VPS13B: variants seen among roughly 807,000 people sequenced by gnomAD.
VPS13B encodes the protein intermembrane lipid transfer protein VPS13B.
VPS13B carries 285 observed loss-of-function variants against 426.4 expected under a neutral mutation model. That is an observed-to-expected ratio of 0.67 (90% CI 0.61 to 0.74). VPS13B has a LOEUF of 0.74. Among genes scored for constraint, VPS13B ranks in the 30% least tolerant of loss-of-function variants. VPS13B has a pLI of 0.00. For missense variants in VPS13B, 4,537 were observed against 4,782.6 expected (o/e 0.95, Z 1.51); for synonymous variants, 1,676 against 1,676.4 (o/e 1.00, Z 0.01).
At chr8:99,736,850 C>T (rs1167835759) in intron 39 of VPS13B, among the ~76,000 whole-genome samples, 1 of 152,034 alleles carries the variant, frequency 6.6e-6, no homozygotes, top group Non-Finnish European at 1.5e-5. Flanking sequence ...CCTCATGCTA[C>T]AAAAATGTAT....
rs1406602437 is a variant in VPS13B, at chr8:99,870,885, C to T, written c.11493C>T (p.Val3831=). 1 of 1,613,748 alleles carries T rather than the reference C, an allele frequency of 6.2e-7. No individual in the cohort carries two copies. Among genetic ancestry groups the T allele is most frequent in the Non-Finnish European group, 8.5e-7 (1 of 1,179,772 alleles). Residue 3831 remains valine (V), a splice_region_variant and synonymous_variant, in exon 60 of 62, where the codon GTC becomes GTT. Transcript: ENST00000357162. ...CTCCAAACAGCCATGTCAAATATGT[C>T]TGGTAAAATTATTGAGATACGTGCT... is the stretch of plus-strand genomic sequence containing the variant. ...DQAPNSHVKY[V]WKMLQSLGRP...
intron 3 of VPS13B, among the ~76,000 whole-genome samples, chr8:99,040,745 C>A (rs1587950105): frequency 6.6e-6 from 1 of 151,720 alleles, no homozygotes; most frequent in African/African-American, 2.4e-5. Flanking sequence ...AGTGAAGGGG[C>A]CTTTTAGAGT....
intron 19 of VPS13B, among the ~76,000 whole-genome samples, chr8:99,382,940 ATATTTCC>A (rs2133291781): frequency 6.6e-6 from 1 of 152,262 alleles, no homozygotes; most frequent in South Asian, 2.1e-4. Flanking sequence ...GTATGATGGC[ATATTTCC>A]TATATGCTAC....
At chr8:99,565,711 G>GGAAT (rs762381015) in intron 31 of VPS13B, among the ~76,000 whole-genome samples, 1 of 151,960 alleles carries the variant, frequency 6.6e-6, no homozygotes, top group Non-Finnish European at 1.5e-5. Flanking sequence ...AATTGCATCT[G>GGAAT]GAATTGTAGA....
At chr8:99,573,590 G>A (rs540348034) in intron 31 of VPS13B, among the ~76,000 whole-genome samples, 1 of 152,166 alleles carries the variant, frequency 6.6e-6, no homozygotes, top group African/African-American at 2.4e-5. Context: ...TGTCAGGTTT[G>A]TCAAAGATCA....
At chr8:99,067,396 GA>G (rs1335317442) in intron 3 of VPS13B, among the ~76,000 whole-genome samples, 1 of 152,124 alleles carries the variant, frequency 6.6e-6, no homozygotes, top group African/African-American at 2.4e-5. Context: ...CACAAGGATA[GA>G]AAACCAAACA....
intron 20 of VPS13B, among the ~76,000 whole-genome samples, chr8:99,390,083 A>G (rs1814341713): frequency 6.6e-6 from 1 of 151,726 alleles, no homozygotes; most frequent in East Asian, 1.9e-4. Context: ...AATTTATTTA[A>G]TCTTTTCTCA....
intron 33 of VPS13B, among the ~76,000 whole-genome samples, chr8:99,608,215 C>T (rs1827685451): frequency 6.8e-6 from 1 of 146,980 alleles, no homozygotes; most frequent in Non-Finnish European, 1.5e-5. Flanking sequence ...GTGGTATGAT[C>T]GTGGCTCACT....
chr8:99,483,796 G>C (rs947317573), intron 25 of VPS13B, among the ~76,000 whole-genome samples: 1 of 152,086 alleles, frequency 6.6e-6, no homozygotes, highest in African/African-American at 2.4e-5. Context: ...GACATTTCAA[G>C]TCCAGGAAAG....
chr8:99,500,314 G>A (rs117876605), intron 25 of VPS13B, among the ~76,000 whole-genome samples: 5,020 of 152,180 alleles, frequency 0.033, 124 homozygotes, highest in Non-Finnish European at 0.048. Flanking sequence ...AAAACAAAAC[G>A]TGTCTGAAGT....
At chr8:99,371,899 C>A (rs1390725968) in intron 19 of VPS13B, among the ~76,000 whole-genome samples, 1 of 151,928 alleles carries the variant, frequency 6.6e-6, no homozygotes, top group African/African-American at 2.4e-5. Flanking sequence ...ATGTAAAACC[C>A]AAAATCATAA....
intron 20 of VPS13B, among the ~76,000 whole-genome samples, chr8:99,386,311 A>ACAAT (rs1373265525): frequency 6.6e-6 from 1 of 152,228 alleles, no homozygotes; most frequent in Non-Finnish European, 1.5e-5. Context: ...AAATGAACAT[A>ACAAT]CAATCACGTG....
At chr8:99,308,702 G>A (rs1820781587) in intron 19 of VPS13B, among the ~76,000 whole-genome samples, 1 of 152,134 alleles carries the variant, frequency 6.6e-6, no homozygotes, top group African/African-American at 2.4e-5. Context: ...CCCAGTAATG[G>A]GATGGCTGGG....
At chr8:99,719,170 A>C (rs1215924043) in intron 37 of VPS13B, among the ~76,000 whole-genome samples, 1 of 152,222 alleles carries the variant, frequency 6.6e-6, no homozygotes, top group Non-Finnish European at 1.5e-5. Context: ...CAGCCAAGTA[A>C]CTTCACATTG....
intron 17 of VPS13B, among the ~76,000 whole-genome samples, chr8:99,195,874 T>C (rs1178023767): frequency 6.6e-6 from 1 of 152,196 alleles, no homozygotes; most frequent in Non-Finnish European, 1.5e-5. Context: ...TGTCCATAAA[T>C]GTGTGGGTTT....
chr8:99,260,320 A>G lies in VPS13B; in HGVS notation c.2516-13878A>G, dbSNP rs559541977. ...TTGACTTTTTTTCCCCTGACAAAAT[A>G]GATGTGAGATGTGAATCTTCAGACC... is the stretch of plus-strand genomic sequence containing the variant. On this transcript the variant is annotated intron_variant, in intron 17 of 61. Transcript: ENST00000357162. Among the ~76,000 whole-genome samples the G allele has an allele frequency of 2.6e-5, 4 of 152,252 alleles. No individual in the cohort carries two copies. In the East Asian group the frequency reaches 7.7e-4, roughly 29 times the overall value.
intron 19 of VPS13B, among the ~76,000 whole-genome samples, chr8:99,303,051 C>T (rs1340728805): frequency 1.3e-5 from 2 of 151,680 alleles, no homozygotes; most frequent in Admixed American, 1.3e-4. Context: ...GAGGCCAAGG[C>T]GGGCGGATCA....
chr8:99,834,534 T>C (rs1815263804), intron 52 of VPS13B, among the ~76,000 whole-genome samples: 1 of 133,842 alleles, frequency 7.5e-6, no homozygotes, highest in East Asian at 2.5e-4. Flanking sequence ...TCAGCTCTTA[T>C]TTTTATTTTT....
intron 3 of VPS13B, among the ~76,000 whole-genome samples, chr8:99,068,610 G>A (rs1275042819): frequency 1.3e-5 from 2 of 152,160 alleles, no homozygotes; most frequent in African/African-American, 2.4e-5. Flanking sequence ...TAAAGAAAAG[G>A]TTTAATTGAC....
Sources: gnomAD v4.1 joint callset for allele counts (sites outside exome capture counted in the v4.1 genomes callset) on GRCh38, gnomAD v4.1.1 for gene constraint, MANE v1.5 for transcripts, NCBI Gene and HGNC (gene_info 2026-07-23, HGNC 2026-07-21) for gene names.